The following PTPRT variants were observed in gnomAD, a reference collection of about 807,000 sequenced individuals.
PTPRT encodes the protein receptor-type tyrosine-protein phosphatase T.
A neutral mutation model predicts 176.8 loss-of-function variants in PTPRT; 56 were observed. The observed-to-expected ratio is 0.32, with a 90% CI of 0.26 to 0.40. The LOEUF is 0.40. PTPRT is among the 10% of genes least tolerant of loss of function. The pLI, the probability that PTPRT is intolerant of heterozygous loss-of-function variation, is 1.00. For synonymous variants in PTPRT, 783 were observed against 739.0 expected (o/e 1.06, Z -0.96); for missense variants, 1,540 against 1,908.2 (o/e 0.81, Z 3.60).
At chr20:42,467,732 A>G (rs926679972) in intron 8 of PTPRT, among the ~76,000 whole-genome samples, 3 of 152,244 alleles carry the variant, frequency 2.0e-5, no homozygotes, top group Non-Finnish European at 4.4e-5. Flanking sequence ...TGTAGATATA[A>G]GATACACACA....
At chr20:43,092,489 G>C (rs534444754) in intron 1 of PTPRT, among the ~76,000 whole-genome samples, 10 of 152,298 alleles carry the variant, frequency 6.6e-5, no homozygotes, top group African/African-American at 2.4e-4. Context: ...ACTGTGTTAA[G>C]GAGAGACACA....
chr20:42,120,256 C>T (rs946391762), intron 19 of PTPRT, among the ~76,000 whole-genome samples: 15 of 152,096 alleles, frequency 9.9e-5, no homozygotes, highest in Non-Finnish European at 1.6e-4. Flanking sequence ...ATTGCTTATC[C>T]TTATGCACCC....
At chr20:42,269,339 A>G (rs1181603755) in intron 13 of PTPRT, among the ~76,000 whole-genome samples, 1 of 152,188 alleles carries the variant, frequency 6.6e-6, no homozygotes, top group East Asian at 1.9e-4. Context: ...TCATGTCATC[A>G]CAGCCTGCTG....
chr20:42,916,362 C>T (rs995687050), intron 1 of PTPRT, among the ~76,000 whole-genome samples: 2 of 152,106 alleles, frequency 1.3e-5, no homozygotes, highest in Non-Finnish European at 2.9e-5. Context: ...TCCAGTCTAT[C>T]GTTCTTGGAC....
intron 2 of PTPRT, among the ~76,000 whole-genome samples, chr20:42,851,109 G>C (rs1239310903): frequency 6.6e-6 from 1 of 152,090 alleles, no homozygotes. Flanking sequence ...CAAGATACTA[G>C]TCTTCTAATG....
chr20:43,057,985 C>CA (rs1164885594), intron 1 of PTPRT, among the ~76,000 whole-genome samples: 3 of 152,068 alleles, frequency 2.0e-5, no homozygotes, highest in Non-Finnish European at 4.4e-5. Flanking sequence ...GTGAGATGAA[C>CA]AAAAAAACAA....
chr20:42,212,345 T>C (rs1361345901), intron 15 of PTPRT, among the ~76,000 whole-genome samples: 3 of 144,494 alleles, frequency 2.1e-5, no homozygotes, highest in African/African-American at 7.6e-5. Flanking sequence ...TTCAATGTGT[T>C]GGGAAGTCAC....
At chr20:42,184,535 C>CTTCTTCTTGTTCT in intron 16 of PTPRT, among the ~76,000 whole-genome samples, 1 of 36,652 alleles carries the variant, frequency 2.7e-5, no homozygotes, top group South Asian at 1.5e-3. Context: ...CTTCTTCTTC[C>CTTCTTCTTGTTCT]TCTTCCTCTT....
chr20:43,139,609 C>T (rs1301674200), intron 1 of PTPRT, among the ~76,000 whole-genome samples: 5 of 152,182 alleles, frequency 3.3e-5, no homozygotes, highest in African/African-American at 2.4e-5. Context: ...AGGCAGTGTC[C>T]GAGGGTCCCC....
At chr20:42,296,445 C>CA (rs139929018) in intron 12 of PTPRT, among the ~76,000 whole-genome samples, 64,782 of 122,898 alleles carry the variant, frequency 0.53, 15,374 homozygotes, top group African/African-American at 0.65. Context: ...GACTCTGTCT[C>CA]AAAAAAAAAA....
intron 1 of PTPRT, among the ~76,000 whole-genome samples, chr20:43,094,391 CTTTTTT>C (rs71335878): frequency 1.5e-5 from 1 of 64,670 alleles, no homozygotes; most frequent in African/African-American, 6.4e-5. Flanking sequence ...CGGCCTCTTT[CTTTTTT>C]TTTTTTTTTT....
intron 1 of PTPRT, among the ~76,000 whole-genome samples, chr20:42,977,731 C>G (rs1366692867): frequency 6.6e-6 from 1 of 152,182 alleles, no homozygotes; most frequent in Non-Finnish European, 1.5e-5. Flanking sequence ...TTTACATCTG[C>G]AGATAATTAT....
chr20:42,320,021 T>G (rs1421361006), intron 11 of PTPRT, among the ~76,000 whole-genome samples: 1 of 152,208 alleles, frequency 6.6e-6, no homozygotes, highest in Non-Finnish European at 1.5e-5. Flanking sequence ...TTTCTCCTCT[T>G]GTGACACCCT....
chr20:42,910,194 A>C (rs1202372468), intron 1 of PTPRT, among the ~76,000 whole-genome samples: 2 of 152,150 alleles, frequency 1.3e-5, no homozygotes, highest in African/African-American at 2.4e-5. Context: ...TGGGAGTTCA[A>C]AACTGTTTTG....
At chr20:43,113,367 A>G (rs2012939957) in intron 1 of PTPRT, among the ~76,000 whole-genome samples, 1 of 152,242 alleles carries the variant, frequency 6.6e-6, no homozygotes, top group South Asian at 2.1e-4. Context: ...GATTTTAATA[A>G]TTATTTTAAC....
intron 14 of PTPRT, among the ~76,000 whole-genome samples, chr20:42,237,030 T>G (rs1005048192): frequency 3.3e-5 from 5 of 152,172 alleles, no homozygotes; most frequent in Admixed American, 1.3e-4. Context: ...GAGGCTACCA[T>G]GCTGGAGAGA....
chr20:42,928,512 T>G (rs1017244674), intron 1 of PTPRT, among the ~76,000 whole-genome samples: 1 of 152,150 alleles, frequency 6.6e-6, no homozygotes, highest in African/African-American at 2.4e-5. Context: ...GTGTCTGTCA[T>G]ATGTCGGGGT....
intron 1 of PTPRT, among the ~76,000 whole-genome samples, chr20:43,047,108 C>T (rs572646026): frequency 1.2e-3 from 183 of 151,902 alleles, no homozygotes; most frequent in African/African-American, 4.2e-3. Flanking sequence ...ATCTATGCCT[C>T]ATAATCTGTT....
intron 2 of PTPRT, among the ~76,000 whole-genome samples, chr20:42,832,830 T>C (rs1455644799): frequency 7.1e-6 from 1 of 141,280 alleles, no homozygotes; most frequent in Admixed American, 7.2e-5. Context: ...AAGGCCAGGC[T>C]TGGTGCCTCA....
Sources: gnomAD v4.1 joint callset for allele counts (sites outside exome capture counted in the v4.1 genomes callset) on GRCh38, gnomAD v4.1.1 for gene constraint, MANE v1.5 for transcripts, NCBI Gene and HGNC (gene_info 2026-07-23, HGNC 2026-07-21) for gene names.